DLGAP1: variants seen among roughly 807,000 people sequenced by gnomAD.
The protein encoded by DLGAP1 is disks large-associated protein 1.
DLGAP1 carries 11 observed loss-of-function variants against 90.8 expected under a neutral mutation model. The observed-to-expected ratio is 0.12, with a 90% CI of 0.08 to 0.20. The LOEUF (loss-of-function observed/expected upper bound fraction) is 0.20. Among genes scored for constraint, DLGAP1 ranks in the 10% least tolerant of loss-of-function variants. DLGAP1 has a pLI of 1.00. For synonymous variants in DLGAP1, 558 were observed against 540.7 expected, an observed-to-expected ratio of 1.03 and a Z score of -0.44; for missense variants, 1,050 against 1,333.8, an observed-to-expected ratio of 0.79 and a Z score of 3.31.
intron 1 of DLGAP1, among the ~76,000 whole-genome samples, chr18:4,178,046 T>C (rs1320511271): frequency 6.6e-6 from 1 of 152,080 alleles, no homozygotes; most frequent in Non-Finnish European, 1.5e-5. Context: ...TCCTATTCTT[T>C]CTATTCAAAT....
chr18:3,974,732 T>C (rs2149013097), intron 3 of DLGAP1, among the ~76,000 whole-genome samples: 1 of 152,244 alleles, frequency 6.6e-6, no homozygotes, highest in Admixed American at 6.5e-5. Flanking sequence ...TTTTAGGTGA[T>C]TGAAACAGGG....
chr18:3,956,081 C>A (rs892462263), intron 3 of DLGAP1, among the ~76,000 whole-genome samples: 1 of 152,102 alleles, frequency 6.6e-6, no homozygotes, highest in African/African-American at 2.4e-5. Flanking sequence ...CAGTGAACTC[C>A]AAACATGTGA....
intron 6 of DLGAP1, among the ~76,000 whole-genome samples, chr18:3,741,043 T>TCACCACCACCACCATCAC (rs1598536313): frequency 6.4e-4 from 13 of 20,218 alleles, no homozygotes; most frequent in South Asian, 1.7e-3. Context: ...CACCATCACC[T>TCACCACCACCACCATCAC]CACCACCACC....
chr18:4,121,785 G>C (rs1292180668), intron 2 of DLGAP1, among the ~76,000 whole-genome samples: 1 of 152,058 alleles, frequency 6.6e-6, no homozygotes, highest in East Asian at 1.9e-4. Flanking sequence ...TCCTTATCAT[G>C]CTTTAACAAG....
chr18:3,588,338 A>C (rs1470845403), intron 7 of DLGAP1, among the ~76,000 whole-genome samples: 4 of 152,176 alleles, frequency 2.6e-5, no homozygotes, highest in Non-Finnish European at 4.4e-5. Flanking sequence ...ACATGCATCT[A>C]ACCCCAGCTA....
rs570229185 is a variant in DLGAP1, at chr18:4,097,634, G to A, written c.-159+53546C>T. The stretch of plus-strand genomic sequence containing the variant: ...TGCAACAGATAGTTATATTCTGAAC[G>A]GAACCAATACAGATAAATCCCAGTT... On this transcript the variant is annotated intron_variant, in intron 2 of 12. Coordinates refer to ENST00000315677, the MANE Select transcript of DLGAP1 (RefSeq NM_004746.4). Among the ~76,000 whole-genome samples, 15 of 152,258 alleles carry A rather than the reference G, an allele frequency of 9.9e-5. No individual in the cohort carries two copies. The South Asian group carries it at 1.9e-3, about 19-fold the overall frequency.
intron 7 of DLGAP1, among the ~76,000 whole-genome samples, chr18:3,611,443 C>T (rs2057622528): frequency 6.6e-6 from 1 of 152,188 alleles, no homozygotes; most frequent in Non-Finnish European, 1.5e-5. Flanking sequence ...CGCCCCAGCC[C>T]TCCACAGCCT....
At chr18:3,554,733 T>C (rs1357074708) in intron 9 of DLGAP1, among the ~76,000 whole-genome samples, 1 of 152,196 alleles carries the variant, frequency 6.6e-6, no homozygotes, top group Non-Finnish European at 1.5e-5. Flanking sequence ...TGTTTTGATT[T>C]GGAACACTGA....
intron 1 of DLGAP1, among the ~76,000 whole-genome samples, chr18:4,368,786 A>AAGTG (rs397754495): frequency 6.6e-6 from 1 of 151,560 alleles, no homozygotes; most frequent in African/African-American, 2.4e-5. Flanking sequence ...TAAATAAAGT[A>AAGTG]TTAATAATGC....
intron 10 of DLGAP1, among the ~76,000 whole-genome samples, chr18:3,523,380 GA>G (rs536619595): frequency 0.016 from 2,092 of 131,892 alleles, 34 homozygotes; most frequent in Admixed American, 0.04. Context: ...CCATCTCAAA[GA>G]AAAAAAAAAA....
At chr18:3,946,705 T>G (rs955389420) in intron 3 of DLGAP1, among the ~76,000 whole-genome samples, 3 of 152,172 alleles carry the variant, frequency 2.0e-5, no homozygotes, top group African/African-American at 7.2e-5. Flanking sequence ...AATGAAAACC[T>G]TTCTGGAAGA....
chr18:4,434,170 T>C (rs1452028550), intron 1 of DLGAP1, among the ~76,000 whole-genome samples: 3 of 63,236 alleles, frequency 4.7e-5, no homozygotes, highest in African/African-American at 6.7e-5. Flanking sequence ...TGCATCCCTA[T>C]ACAACAGCAT....
chr18:4,113,440 G>T (rs2076008235), intron 2 of DLGAP1, among the ~76,000 whole-genome samples: 1 of 151,776 alleles, frequency 6.6e-6, no homozygotes. Context: ...CTTTTGACAT[G>T]AACATTTTTA....
intron 1 of DLGAP1, among the ~76,000 whole-genome samples, chr18:4,214,014 C>T (rs1043672304): frequency 3.3e-5 from 5 of 152,022 alleles, no homozygotes; most frequent in Non-Finnish European, 5.9e-5. Context: ...CACCAGAGTG[C>T]CCTAGATTGA....
In DLGAP1 at chr18:3,862,748, T is replaced by C. The variant is rs1304281233; in HGVS notation, c.957+16364A>G. 3.3e-5 allele frequency among the ~76,000 whole-genome samples: 5 copies of C among 152,258 alleles called. No individual in the cohort carries two copies. In the South Asian group the frequency reaches 8.3e-4, roughly 25 times the overall value. On this transcript the variant is annotated intron_variant, in intron 4 of 12. Transcript: ENST00000315677. ...ATTGAAAGCTAGGTATGTTACATAA[T>C]TGACTCCTCAAAACAACTCTACGAG...
chr18:4,384,691 A>G (rs1324149426), intron 1 of DLGAP1, among the ~76,000 whole-genome samples: 1 of 152,156 alleles, frequency 6.6e-6, no homozygotes, highest in Non-Finnish European at 1.5e-5. Context: ...AATGCCGACC[A>G]ATCGAGAAAG....
chr18:4,053,404 A>C lies in DLGAP1; in HGVS notation c.-158-48203T>G, dbSNP rs1281132257. On this transcript the variant is annotated intron_variant, in intron 2 of 12. Coordinates refer to ENST00000315677, the MANE Select transcript of DLGAP1 (RefSeq NM_004746.4). ...ACTCACTATCACAAGAACAGATTGGAAGGTAACTGCCCCCATGATGCAATT... is the reference window on the plus strand; with the variant it reads ...ACTCACTATCACAAGAACAGATTGGCAGGTAACTGCCCCCATGATGCAATT... 2.0e-5 allele frequency among the ~76,000 whole-genome samples: 3 copies of C among 152,160 alleles called. No homozygotes were observed. The South Asian group carries it at 6.2e-4, about 32-fold the overall frequency.
chr18:3,595,767 A>G (rs17647607), intron 7 of DLGAP1, among the ~76,000 whole-genome samples: 20,294 of 150,010 alleles, frequency 0.14, 1,843 homozygotes, highest in Non-Finnish European at 0.2. Context: ...AACAGGTGCA[A>G]TCAAGTCATC....
At chr18:3,715,544 T>G (rs976427519) in intron 7 of DLGAP1, among the ~76,000 whole-genome samples, 1 of 152,240 alleles carries the variant, frequency 6.6e-6, no homozygotes, top group Non-Finnish European at 1.5e-5. Flanking sequence ...TGGATAACGA[T>G]GATGATGATT....
Sources: allele counts gnomAD v4.1 joint callset (sites outside exome capture counted in the v4.1 genomes callset), GRCh38; gene constraint gnomAD v4.1.1; transcripts MANE v1.5; gene names NCBI Gene and HGNC (gene_info 2026-07-23, HGNC 2026-07-21).